Variants in SOX6 observed in about 807,000 individuals in gnomAD.
SOX6 encodes the protein SRY-box transcription factor 6.
Under a neutral mutation model 97.8 loss-of-function variants are expected in SOX6, and 11 were observed. That is an observed-to-expected ratio of 0.11 (90% CI 0.07 to 0.19). SOX6 has a LOEUF of 0.19. Ranked by LOEUF, SOX6 falls within the 10% of genes least tolerant of loss-of-function variation. SOX6 has a pLI of 1.00. For synonymous variants in SOX6, 360 were observed against 371.4 expected, an observed-to-expected ratio of 0.97 and a Z score of 0.35; for missense variants, 810 against 1,039.5, an observed-to-expected ratio of 0.78 and a Z score of 3.04.
intron 13 of SOX6, 22 bp downstream of exon 13, chr11:16,014,920 G>T: frequency 6.2e-7 from 1 of 1,600,094 alleles, no homozygotes; most frequent in Non-Finnish European, 8.6e-7. Context: ...CAGCAGAAAA[G>T]AACTAGAGAA....
intron 6 of SOX6, 89 bp from the exon 7 acceptor site, chr11:16,112,012 C>A: frequency 6.6e-7 from 1 of 1,518,390 alleles, no homozygotes; most frequent in Non-Finnish European, 9.0e-7. Context: ...TGTGCTGGTA[C>A]CCACACAGCC....
intron 4 of SOX6, among the ~76,000 whole-genome samples, chr11:16,535,610 T>C (rs1861296554): frequency 6.6e-6 from 1 of 152,094 alleles, no homozygotes; most frequent in African/African-American, 2.4e-5. Flanking sequence ...AGGCAGAGGT[T>C]GTGGTGATCC....
At chr11:16,079,013 G>A (rs933078175) in intron 9 of SOX6, among the ~76,000 whole-genome samples, 1 of 152,186 alleles carries the variant, frequency 6.6e-6, no homozygotes, top group Non-Finnish European at 1.5e-5. Context: ...AACCGACTTT[G>A]TGTTCCATTC....
chr11:16,626,623 T>C (rs773980921), intron 3 of SOX6, among the ~76,000 whole-genome samples: 6 of 152,230 alleles, frequency 3.9e-5, no homozygotes, highest in Non-Finnish European at 2.9e-5. Flanking sequence ...AATCTATAGA[T>C]AAATTTTGAG....
chr11:16,241,440 G>A (rs935479265), intron 3 of SOX6, among the ~76,000 whole-genome samples: 1 of 151,784 alleles, frequency 6.6e-6, no homozygotes, highest in Non-Finnish European at 1.5e-5. Flanking sequence ...CCTATTTTCT[G>A]CTCCTGCTTT....
At chr11:16,599,437 T>A (rs1848244588) in intron 4 of SOX6, among the ~76,000 whole-genome samples, 1 of 152,196 alleles carries the variant, frequency 6.6e-6, no homozygotes, top group South Asian at 2.1e-4. Flanking sequence ...CCCAAATAGT[T>A]ACAGTCTAAA....
At chr11:16,383,295 A>G (rs1175834787) in intron 1 of SOX6, among the ~76,000 whole-genome samples, 1 of 152,032 alleles carries the variant, frequency 6.6e-6, no homozygotes, top group Non-Finnish European at 1.5e-5. Context: ...AAGAAGAAAG[A>G]GAAAGGCAGC....
intron 6 of SOX6, among the ~76,000 whole-genome samples, chr11:16,160,088 G>A (rs146194650): frequency 2.0e-3 from 302 of 152,212 alleles, no homozygotes; most frequent in African/African-American, 6.7e-3. Flanking sequence ...TGCTGCAGAT[G>A]GGGTTCTCTA....
At chr11:16,325,124 A>G (rs906816134) in intron 2 of SOX6, among the ~76,000 whole-genome samples, 1 of 152,140 alleles carries the variant, frequency 6.6e-6, no homozygotes. Context: ...AGTTCTCGAT[A>G]TTTTGTAAAT....
At chr11:16,624,778 C>T (rs1848599629) in intron 3 of SOX6, among the ~76,000 whole-genome samples, 2 of 152,164 alleles carry the variant, frequency 1.3e-5, no homozygotes, top group African/African-American at 2.4e-5. Context: ...CGCATTTTAC[C>T]TATATTTGAT....
chr11:16,130,991 C>T (rs1414471995), intron 6 of SOX6, among the ~76,000 whole-genome samples: 4 of 151,574 alleles, frequency 2.6e-5, no homozygotes, highest in Admixed American at 2.6e-4. Flanking sequence ...AACCATAAGA[C>T]CTAAAACTGA....
intron 4 of SOX6, chr11:16,484,165 C>A: frequency 1.3e-6 from 1 of 782,796 alleles, no homozygotes; most frequent in Non-Finnish European, 2.4e-6. Flanking sequence ...TATTTAAGAT[C>A]CTCTCCACCT....
intron 3 of SOX6, among the ~76,000 whole-genome samples, chr11:16,661,761 A>G (rs1291921325): frequency 6.6e-6 from 1 of 152,040 alleles, no homozygotes; most frequent in Non-Finnish European, 1.5e-5. Flanking sequence ...TGTTGCTCAG[A>G]CTGGTCTTGA....
At chr11:16,729,514 C>T (rs566688392) in intron 2 of SOX6, among the ~76,000 whole-genome samples, 1 of 152,260 alleles carries the variant, frequency 6.6e-6, no homozygotes, top group Admixed American at 6.5e-5. Context: ...AAATCCTTTA[C>T]AGAGAAGCAA....
chr11:16,415,617 C>A (rs976681474), intron 1 of SOX6, among the ~76,000 whole-genome samples: 4 of 152,112 alleles, frequency 2.6e-5, no homozygotes, highest in East Asian at 3.8e-4. Flanking sequence ...ATGCTAATTA[C>A]CCTGATTTGA....
chr11:16,072,561 A>C (rs1848251022), intron 9 of SOX6, among the ~76,000 whole-genome samples: 1 of 152,288 alleles, frequency 6.6e-6, no homozygotes, highest in Middle Eastern at 3.4e-3. Flanking sequence ...CAACCTCACT[A>C]GCTTGGCCAA....
At chr11:16,346,555 C>G (rs564268531) in intron 1 of SOX6, among the ~76,000 whole-genome samples, 1 of 152,174 alleles carries the variant, frequency 6.6e-6, no homozygotes, top group South Asian at 2.1e-4. Context: ...CTCCTCTCCC[C>G]CAATCCACCT....
intron 4 of SOX6, among the ~76,000 whole-genome samples, chr11:16,533,783 A>AT (rs1861270106): frequency 6.6e-6 from 1 of 152,110 alleles, no homozygotes; most frequent in Admixed American, 6.6e-5. Context: ...AATTTGTGTC[A>AT]TTTTTTAAAA....
At chr11:16,185,544 A>C (rs1851451013) in intron 5 of SOX6, among the ~76,000 whole-genome samples, 1 of 152,170 alleles carries the variant, frequency 6.6e-6, no homozygotes, top group Non-Finnish European at 1.5e-5. Context: ...ATGTGGCTCA[A>C]ATTCTGAATT....
Sources: allele counts gnomAD v4.1 joint callset (sites outside exome capture counted in the v4.1 genomes callset), GRCh38; gene constraint gnomAD v4.1.1; transcripts MANE v1.5; gene names NCBI Gene and HGNC (gene_info 2026-07-23, HGNC 2026-07-21).